Variants in INPP4B observed in about 807,000 individuals in gnomAD.
INPP4B encodes inositol polyphosphate-4-phosphatase type II B.
A neutral mutation model predicts 122.5 loss-of-function variants in INPP4B; 55 were observed. That is an observed-to-expected ratio of 0.45 (90% confidence interval 0.36 to 0.56). The LOEUF (loss-of-function observed/expected upper bound fraction) is 0.56, where lower values mean the gene tolerates loss of function less well. INPP4B is among the 20% of genes least tolerant of loss of function. The pLI, the probability that INPP4B is intolerant of heterozygous loss-of-function variation, is 0.00. For missense variants in INPP4B, 1,000 were observed against 1,097.7 expected (o/e 0.91, Z 1.26); for synonymous variants, 403 against 388.7 (o/e 1.04, Z -0.43).
chr4:142,377,764 T>C (rs1244167153), intron 7 of INPP4B, among the ~76,000 whole-genome samples: 1 of 152,102 alleles, frequency 6.6e-6, no homozygotes, highest in Non-Finnish European at 1.5e-5. Flanking sequence ...ATTAGAGTAA[T>C]TAAATACTAA....
chr4:142,826,496 TCACACA>T (rs34633285), intron 1 of INPP4B, among the ~76,000 whole-genome samples: 2 of 149,070 alleles, frequency 1.3e-5, no homozygotes, highest in South Asian at 4.2e-4. Flanking sequence ...GTTCATAAAA[TCACACA>T]CACACACACA....
chr4:142,272,160 A>C, intron 9 of INPP4B, among the ~76,000 whole-genome samples: 1 of 152,124 alleles, frequency 6.6e-6, no homozygotes, highest in East Asian at 1.9e-4. Context: ...CTTTCTTTTA[A>C]CTAATTCCTT....
At chr4:142,305,415 T>A (rs1414212085) in intron 9 of INPP4B, 43 bp downstream of exon 9, 5 of 1,425,312 alleles carry the variant, frequency 3.5e-6, no homozygotes, top group Non-Finnish European at 4.9e-6. Context: ...AAATATCACT[T>A]GTTATTAACT....
At chr4:142,100,738 GAA>G (rs1784117126) in intron 23 of INPP4B, among the ~76,000 whole-genome samples, 1 of 152,088 alleles carries the variant, frequency 6.6e-6, no homozygotes, top group Non-Finnish European at 1.5e-5. Flanking sequence ...GATGCAGAGA[GAA>G]AAGAGATATT....
intron 12 of INPP4B, among the ~76,000 whole-genome samples, chr4:142,219,735 A>T (rs1449834463): frequency 6.6e-6 from 1 of 152,162 alleles, no homozygotes; most frequent in African/African-American, 2.4e-5. Flanking sequence ...AATTCCTCTA[A>T]CCCTGGACTT....
At chr4:142,562,478 A>AAG (rs1730681474) in intron 2 of INPP4B, among the ~76,000 whole-genome samples, 1 of 152,156 alleles carries the variant, frequency 6.6e-6, no homozygotes, top group Admixed American at 6.6e-5. Flanking sequence ...CCAGGTCACA[A>AAG]AGCAAATTCT....
At chr4:142,312,160 A>C (rs1765752691) in intron 8 of INPP4B, among the ~76,000 whole-genome samples, 1 of 152,182 alleles carries the variant, frequency 6.6e-6, no homozygotes, top group South Asian at 2.1e-4. Flanking sequence ...AATGTAATAA[A>C]TGTACCCCAT....
At chr4:142,826,370 T>G (rs1012070519) in intron 1 of INPP4B, among the ~76,000 whole-genome samples, 11 of 152,240 alleles carry the variant, frequency 7.2e-5, no homozygotes, top group African/African-American at 2.6e-4. Context: ...GCCTATTACC[T>G]AAGAAGTACA....
At chr4:142,470,256 A>G (rs1818573070) in intron 2 of INPP4B, among the ~76,000 whole-genome samples, 1 of 152,170 alleles carries the variant, frequency 6.6e-6, no homozygotes, top group African/African-American at 2.4e-5. Context: ...TACAAATACT[A>G]AATATCAAAT....
intron 1 of INPP4B, chr4:142,795,400 G>A (rs966034294): frequency 2.6e-5 from 4 of 151,944 alleles, no homozygotes; most frequent in African/African-American, 9.7e-5. Context: ...TGAGTGGTGG[G>A]TGTGTCAGAA....
At chr4:142,459,289 G>GAAAAAA (rs201442354) in intron 3 of INPP4B, among the ~76,000 whole-genome samples, 1 of 97,082 alleles carries the variant, frequency 1.0e-5, no homozygotes, top group African/African-American at 3.3e-5. Context: ...ACAAACAAAT[G>GAAAAAA]AAAAAAAAAA....
At chr4:142,246,909 T>C (rs1182222092) in intron 11 of INPP4B, among the ~76,000 whole-genome samples, 1 of 152,208 alleles carries the variant, frequency 6.6e-6, no homozygotes, top group Non-Finnish European at 1.5e-5. Flanking sequence ...CTTTTGCCCA[T>C]TCAGTGTGAT....
intron 3 of INPP4B, among the ~76,000 whole-genome samples, chr4:142,442,130 C>T (rs921907603): frequency 5.9e-5 from 9 of 151,864 alleles, no homozygotes; most frequent in African/African-American, 2.2e-4. Flanking sequence ...AAACATGGGC[C>T]AGGCACGGTG....
At chr4:142,693,101 T>C (rs57752165) in intron 2 of INPP4B, among the ~76,000 whole-genome samples, 1 of 152,256 alleles carries the variant, frequency 6.6e-6, no homozygotes, top group African/African-American at 2.4e-5. Context: ...CCCAAAGCTG[T>C]AAATGGACGG....
At chr4:142,475,461 C>T (rs1047129215) in intron 2 of INPP4B, among the ~76,000 whole-genome samples, 11 of 151,850 alleles carry the variant, frequency 7.2e-5, no homozygotes, top group Non-Finnish European at 1.5e-4. Context: ...AACAACCATA[C>T]TACTTACCCA....
chr4:142,327,497 C>T (rs1298090110), intron 7 of INPP4B, among the ~76,000 whole-genome samples: 2 of 151,832 alleles, frequency 1.3e-5, no homozygotes, highest in African/African-American at 4.8e-5. Flanking sequence ...GGTAGCTCTC[C>T]AACGAAGAGT....
At chr4:142,589,217 A>T (rs138073677) in intron 2 of INPP4B, among the ~76,000 whole-genome samples, 6 of 152,072 alleles carry the variant, frequency 3.9e-5, no homozygotes, top group Non-Finnish European at 7.4e-5. Flanking sequence ...TAAAAGCTAT[A>T]CTCGATGTCC....
intron 1 of INPP4B, among the ~76,000 whole-genome samples, chr4:142,772,839 G>A (rs945052644): frequency 6.6e-6 from 1 of 152,106 alleles, no homozygotes; most frequent in African/African-American, 2.4e-5. Flanking sequence ...GAGCTCAGGA[G>A]TTCAAGACCA....
rs190846884 is a variant in INPP4B at position 142,512,592 on chromosome 4, C to T, written c.-190-49866G>A. Among the ~76,000 whole-genome samples the T allele has an allele frequency of 1.5e-3, 230 of 152,228 alleles. 1 individual carries two copies. In the South Asian group the frequency reaches 0.025, roughly 16 times the overall value. ...TTTATGAGGAAAAAAATGTAGCAGA[C>T]GATTCTTATATCCCCACCTCCCCAA... On this transcript the variant is annotated intron_variant, in intron 2 of 25. Coordinates refer to ENST00000262992, the MANE Select transcript of INPP4B (RefSeq NM_001101669.3).
Sources: allele counts gnomAD v4.1 joint callset (sites outside exome capture counted in the v4.1 genomes callset), GRCh38; gene constraint gnomAD v4.1.1; transcripts MANE v1.5; gene names NCBI Gene and HGNC (gene_info 2026-07-23, HGNC 2026-07-21).